Variants in DNMBP observed in about 807,000 individuals in gnomAD.
DNMBP encodes the protein dynamin-binding protein.
A neutral mutation model predicts 150.0 loss-of-function variants in DNMBP; 87 were observed. The ratio of observed to expected loss-of-function variants is 0.58; its 90% CI spans 0.49 to 0.69. The LOEUF (loss-of-function observed/expected upper bound fraction) is 0.69. Ranked by LOEUF, DNMBP falls within the 30% of genes least tolerant of loss-of-function variation. DNMBP has a pLI of 0.00. For missense variants in DNMBP, 1,774 were observed against 1,949.0 expected (o/e 0.91, Z 1.69); for synonymous variants, 711 against 750.4 (o/e 0.95, Z 0.86).
Position 99,886,468 on chromosome 10 carries a change from C to T in DNMBP, c.3450G>A (p.Leu1150=). ...KLKDKKTLEE[L]QSARNNYEAL... is the part of the protein sequence containing the mutation. ...CCTCATAGTTGTTCCGGGCCGACTG[C>T]AGCTCCTCCAGGGTCTTCTTGTCCT... Residue 1150 remains leucine, a synonymous_variant, in exon 13 of 17, where the codon CTG becomes CTA. Coordinates refer to ENST00000324109, the MANE Select transcript of DNMBP (RefSeq NM_015221.4). The T allele has an allele frequency of 6.2e-7, 1 of 1,614,192 alleles. No homozygotes were observed. The highest frequency in any genetic ancestry group is 8.5e-7 in the Non-Finnish European group (1 of 1,180,038).
chr10:99,926,310 G>A (rs1488748533), intron 4 of DNMBP, among the ~76,000 whole-genome samples: 1 of 151,886 alleles, frequency 6.6e-6, no homozygotes, highest in Non-Finnish European at 1.5e-5. Context: ...CTAGAGATGT[G>A]GTCTCACTCT....
intron 6 of DNMBP, among the ~76,000 whole-genome samples, chr10:99,904,140 A>C (rs1422347473): frequency 6.6e-6 from 1 of 152,162 alleles, no homozygotes; most frequent in Non-Finnish European, 1.5e-5. Flanking sequence ...CTGTAGTCCC[A>C]GCTACTAGGG....
chr10:99,943,299 A>C (rs1297028057), intron 4 of DNMBP, among the ~76,000 whole-genome samples: 17 of 142,634 alleles, frequency 1.2e-4, no homozygotes, highest in Non-Finnish European at 4.6e-5. Context: ...AAAAACCAAC[A>C]AAAAAAAAAA....
At chr10:99,977,005 C>T (rs1024355898) in intron 1 of DNMBP, among the ~76,000 whole-genome samples, 8 of 152,038 alleles carry the variant, frequency 5.3e-5, no homozygotes, top group Admixed American at 4.6e-4. Context: ...GAGAACTACC[C>T]CATTACACAA....
chr10:100,002,622 G>A (rs557448679), intron 1 of DNMBP, among the ~76,000 whole-genome samples: 1 of 152,222 alleles, frequency 6.6e-6, no homozygotes, highest in South Asian at 2.1e-4. Context: ...AATGCCAGGA[G>A]GAAAAAGCTG....
chr10:99,948,965 AAAATAAATAAATAAATAAAT>A (rs55754467), intron 4 of DNMBP, among the ~76,000 whole-genome samples: 9 of 137,220 alleles, frequency 6.6e-5, no homozygotes, highest in South Asian at 4.8e-4. Flanking sequence ...CTCCATCTCA[AAAATAAATAAATAAATAAAT>A]AAATAAATAA....
rs1564750398 is a variant in DNMBP, at chr10:99,970,983, A to AAATAAAAAAAAAAAAT, written c.145+996_145+997insATTTTTTTTTTTTATT. Among the ~76,000 whole-genome samples the AAATAAAAAAAAAAAAT allele has an allele frequency of 2.0e-4, 30 of 147,460 alleles. 1 individual carries two copies. Among genetic ancestry groups the AAATAAAAAAAAAAAAT allele is most frequent in the African/African-American group, 7.2e-4 (29 of 40,012 alleles). ...CAAGACTCCGTCTCAAAAAAAAAAA[A>AAATAAAAAAAAAAAAT]AAAAAAAAAAAAAAAGGAAAGCAGT... On this transcript the variant is annotated intron_variant, in intron 2 of 16. Coordinates refer to ENST00000324109, the MANE Select transcript of DNMBP (RefSeq NM_015221.4).
At chr10:99,894,266 T>C (rs2039619322) in intron 11 of DNMBP, among the ~76,000 whole-genome samples, 1 of 152,160 alleles carries the variant, frequency 6.6e-6, no homozygotes, top group South Asian at 2.1e-4. Context: ...AGAGACTCTG[T>C]CTCTAAAAGA....
intron 4 of DNMBP, among the ~76,000 whole-genome samples, chr10:99,944,272 A>C (rs1349944127): frequency 6.6e-6 from 1 of 152,198 alleles, no homozygotes; most frequent in East Asian, 1.9e-4. Context: ...AAATTAATCA[A>C]CGTGTAGCTA....
Position 99,956,308 on chromosome 10 carries a change from C to A in DNMBP, c.1166G>T (p.Gly389Val). ...DTAGGPPRSP[G>V]VEWEMPLATD... ...GGCAAGAGGCATTTCCCACTCCACG[C>A]CTGGGCTTCTCGGGGGCCCTCCTGC... is the stretch of plus-strand genomic sequence containing the variant. The change falls in exon 4 of 17, where the codon GGC (glycine) becomes GTC (valine). Residue 389 changes from glycine to valine, a missense_variant. Gly to Val is a moderately radical substitution (Grantham distance 109). Around this residue, in one of 2 missense-constraint regions of DNMBP, gnomAD observed 1,430 missense variants for 1,492.5 expected, o/e 0.96. Coordinates refer to ENST00000324109, the MANE Select transcript of DNMBP (RefSeq NM_015221.4). The A allele has an allele frequency of 6.2e-7, 1 of 1,613,790 alleles. No homozygotes were observed. Among genetic ancestry groups the A allele is most frequent in the Admixed American group, 1.7e-5 (1 of 59,980 alleles).
Position 99,992,308 on chromosome 10 carries a change from A to G in DNMBP, c.-11+17530T>C, listed in dbSNP as rs1340595455. Reference sequence around the variant, plus strand: ...ATAGAGCCAGACTACCTAGATCTATATGGCAGCTCCATCCCTTATTACAGC... The same window carrying G: ...ATAGAGCCAGACTACCTAGATCTATGTGGCAGCTCCATCCCTTATTACAGC... On this transcript the variant is annotated intron_variant, in intron 1 of 16. Coordinates refer to ENST00000324109, the MANE Select transcript of DNMBP (RefSeq NM_015221.4). Among the ~76,000 whole-genome samples, 3 of 145,782 alleles carry G rather than the reference A, an allele frequency of 2.1e-5. No homozygotes were observed. In the East Asian group the frequency reaches 5.9e-4, roughly 29 times the overall value.
intron 7 of DNMBP, among the ~76,000 whole-genome samples, chr10:99,899,323 T>G (rs1312432427): frequency 6.7e-6 from 1 of 148,156 alleles, no homozygotes; most frequent in Non-Finnish European, 1.5e-5. Context: ...ATACCTTAGC[T>G]GGGCATGGTG....
chr10:99,891,250 ACTG>A (rs1326043063), intron 11 of DNMBP, among the ~76,000 whole-genome samples: 4 of 133,764 alleles, frequency 3.0e-5, no homozygotes, highest in African/African-American at 1.2e-4. Flanking sequence ...GCTGGACTGT[ACTG>A]CTGCCATCTC....
intron 14 of DNMBP, 37 bp downstream of exon 14, chr10:99,885,650 C>G: frequency 6.5e-7 from 1 of 1,531,716 alleles, no homozygotes; most frequent in Non-Finnish European, 8.8e-7. Context: ...CCCTCTTTAC[C>G]CCGAGGCGGG....
chr10:99,994,113 TAA>T (rs1406850831), intron 1 of DNMBP, among the ~76,000 whole-genome samples: 1 of 152,188 alleles, frequency 6.6e-6, no homozygotes, highest in Non-Finnish European at 1.5e-5. Flanking sequence ...TTGTATTAAG[TAA>T]TAACTACATA....
chr10:99,933,009 T>C (rs948045799), intron 4 of DNMBP, among the ~76,000 whole-genome samples: 12 of 149,890 alleles, frequency 8.0e-5, no homozygotes, highest in African/African-American at 2.5e-4. Context: ...AACAGGGGCA[T>C]TGAGGCAGAA....
chr10:99,990,814 T>C (rs868154914), intron 1 of DNMBP, among the ~76,000 whole-genome samples: 4,058 of 132,078 alleles, frequency 0.031, 185 homozygotes, highest in African/African-American at 0.1. Context: ...TATACACATA[T>C]ATATATATAC....
chr10:99,900,500 AAC>A (rs893531535), intron 6 of DNMBP, among the ~76,000 whole-genome samples: 8 of 151,784 alleles, frequency 5.3e-5, no homozygotes, highest in African/African-American at 1.9e-4. Flanking sequence ...TTTTAGAACA[AAC>A]ACACACACAC....
chr10:99,934,595 TAGG>T (rs2040203097), intron 4 of DNMBP, among the ~76,000 whole-genome samples: 2 of 135,094 alleles, frequency 1.5e-5, no homozygotes, highest in Non-Finnish European at 3.2e-5. Flanking sequence ...GTAATAAGAA[TAGG>T]ATTACTGAGG....
Sources: allele counts gnomAD v4.1 joint callset (sites outside exome capture counted in the v4.1 genomes callset), GRCh38; gene constraint gnomAD v4.1.1; regional missense constraint gnomAD v4.1.1; transcripts MANE v1.5; gene names NCBI Gene and HGNC (gene_info 2026-07-23, HGNC 2026-07-21).